The following TRABD2B variants were observed in gnomAD, a reference collection of about 807,000 sequenced individuals.
TRABD2B encodes the protein metalloprotease TIKI2.
TRABD2B carries 14 observed loss-of-function variants against 40.1 expected under a neutral mutation model. The ratio of observed to expected loss-of-function variants is 0.35; its 90% CI spans 0.23 to 0.55. The LOEUF (loss-of-function observed/expected upper bound fraction) is 0.55, where lower values mean the gene tolerates loss of function less well. Among genes scored for constraint, TRABD2B ranks in the 20% least tolerant of loss-of-function variants. The pLI, the probability that TRABD2B is intolerant of heterozygous loss-of-function variation, is 0.90. For missense variants in TRABD2B, 541 were observed against 648.6 expected (o/e 0.83, Z 1.80); for synonymous variants, 263 against 277.0 (o/e 0.95, Z 0.50).
chr1:47,787,601 C>G (rs867433188), intron 4 of TRABD2B, among the ~76,000 whole-genome samples: 4 of 152,154 alleles, frequency 2.6e-5, no homozygotes, highest in Admixed American at 6.6e-5. Context: ...ACTCTCTTTC[C>G]TTAGGTCTTT....
In TRABD2B at chr1:47,994,389, G is replaced by A. The variant is rs1256337938; in HGVS notation, c.311C>T (p.Pro104Leu). The stretch of plus-strand genomic sequence containing the variant: ...CACGTCCTGCAGGTTTTCCCCGTGC[G>A]GCAGCAGCTGGCAGCTGGCCAGGGC... ...ISALASCQLLPHGENLQDVLP... is the reference protein window; with the variant it reads ...ISALASCQLLLHGENLQDVLP... Residue 104 changes from proline to leucine, a missense_variant, in exon 2 of 7, where the codon CCG becomes CTG. By Grantham distance (98) the Pro-to-Leu change is moderately conservative. This residue lies in a region of TRABD2B where 369 missense variants were observed against 492.8 expected (regional missense o/e 0.75). Transcript: ENST00000606738. The surrounding 1 kb of genome is among the most constrained non-coding windows in gnomAD (Gnocchi z 6.7). 2.0e-6 allele frequency: 3 copies of A among 1,536,050 alleles called. No homozygotes were observed. The highest frequency in any genetic ancestry group is 1.4e-5 in the African/African-American group (1 of 73,056).
In TRABD2B at chr1:47,939,304, C is replaced by T. The variant is rs141682777; in HGVS notation, c.666+54730G>A. Reference sequence around the variant, plus strand: ...CAATGAAGAGAAGACATTCAATGAGCAGGCTGGTGCACACAGACCAGGATA... The same window carrying T: ...CAATGAAGAGAAGACATTCAATGAGTAGGCTGGTGCACACAGACCAGGATA... On this transcript the variant is annotated intron_variant, in intron 2 of 6. Coordinates refer to ENST00000606738, the MANE Select transcript of TRABD2B (RefSeq NM_001194986.2). Among the ~76,000 whole-genome samples the T allele has an allele frequency of 1.2e-3, 185 of 152,210 alleles. 1 individual carries two copies. The highest frequency in any genetic ancestry group is 4.2e-3 in the African/African-American group (176 of 41,532).
At chr1:47,943,453 T>A (rs2148366640) in intron 2 of TRABD2B, among the ~76,000 whole-genome samples, 1 of 152,146 alleles carries the variant, frequency 6.6e-6, no homozygotes, top group East Asian at 1.9e-4. Flanking sequence ...TGCAAGCTCA[T>A]TTCATTGGTT....
At chr1:47,958,409 A>G (rs1270447758) in intron 2 of TRABD2B, among the ~76,000 whole-genome samples, 3 of 147,562 alleles carry the variant, frequency 2.0e-5, no homozygotes, top group African/African-American at 7.5e-5. Context: ...AAAGACACAG[A>G]CTGGCAAACT....
chr1:47,990,963 C>T (rs1646002583), intron 2 of TRABD2B, among the ~76,000 whole-genome samples: 2 of 150,974 alleles, frequency 1.3e-5, no homozygotes. Context: ...CCACCAGCCT[C>T]ATAGCCGAAG....
At chr1:47,834,761 C>T (rs960947599) in intron 2 of TRABD2B, among the ~76,000 whole-genome samples, 6 of 152,128 alleles carry the variant, frequency 3.9e-5, no homozygotes, top group African/African-American at 1.4e-4. Flanking sequence ...TAAATAGTGA[C>T]AACAAACAGC....
In TRABD2B at chr1:47,858,069, G is replaced by C. The variant is rs117131134; in HGVS notation, c.667-56450C>G. Among the ~76,000 whole-genome samples the C allele has an allele frequency of 5.1e-4, 78 of 152,084 alleles. 1 individual carries two copies. The East Asian group carries it at 0.015, about 29-fold the overall frequency. The stretch of plus-strand genomic sequence containing the variant: ...ATTAGTTATTATTGTTAATCTCACT[G>C]TGCTGAATTTATAAATCAAACTTTA... On this transcript the variant is annotated intron_variant, in intron 2 of 6. Transcript: ENST00000606738.
chr1:47,898,842 A>G (rs1018433177), intron 2 of TRABD2B, among the ~76,000 whole-genome samples: 4 of 152,248 alleles, frequency 2.6e-5, no homozygotes, highest in Non-Finnish European at 4.4e-5. Flanking sequence ...GAATTCTGAA[A>G]CAAATGTGGC....
intron 4 of TRABD2B, among the ~76,000 whole-genome samples, chr1:47,790,643 C>T (rs1644658544): frequency 6.6e-6 from 1 of 152,218 alleles, no homozygotes; most frequent in Non-Finnish European, 1.5e-5. Flanking sequence ...GAAATGGCCA[C>T]ACCTGGGACT....
intron 2 of TRABD2B, among the ~76,000 whole-genome samples, chr1:47,993,735 G>A (rs908498254): frequency 6.6e-6 from 1 of 152,154 alleles, no homozygotes; most frequent in South Asian, 2.1e-4. Flanking sequence ...GATGCTCTGA[G>A]GGAAATTCTT....
Position 47,832,128 on chromosome 1 carries a change from C to T in TRABD2B, c.667-30509G>A, listed in dbSNP as rs1026841522. ...CGCGCGGATCACGAGGTCAGGAGAT[C>T]GAGACCATCTTGGCTAATGTGGTGA... On this transcript the variant is annotated intron_variant, in intron 2 of 6. Transcript: ENST00000606738. Among the ~76,000 whole-genome samples, 36 of 152,194 alleles carry T rather than the reference C, an allele frequency of 2.4e-4. 1 individual carries two copies. Among genetic ancestry groups the T allele is most frequent in the African/African-American group, 7.9e-4 (33 of 41,542 alleles).
At position 47,996,849 on chromosome 1, in the gene TRABD2B, G is replaced by A; in HGVS notation, c.-60C>T. Reference sequence around the variant, plus strand: ...TGGGCGGCGCCCCTCAGCGGGGCGGGGAGCCCCCAGTTGGGCACGGAGTTT... The same window carrying A: ...TGGGCGGCGCCCCTCAGCGGGGCGGAGAGCCCCCAGTTGGGCACGGAGTTT... On this transcript the variant is annotated 5_prime_UTR_variant, in exon 1 of 7. Coordinates refer to ENST00000606738, the MANE Select transcript of TRABD2B (RefSeq NM_001194986.2). This position sits in a 1 kb window ranked among gnomAD's most constrained non-coding sequence, Gnocchi z 4.6. 8.6e-7 allele frequency: 1 copy of A among 1,160,020 alleles called. No individual in the cohort carries two copies. Among genetic ancestry groups the A allele is most frequent in the Non-Finnish European group, 1.1e-6 (1 of 942,096 alleles). 71.9% of individuals were successfully genotyped at this position (1,160,020 alleles called of 1,614,324 possible).
chr1:47,912,933 G>A (rs551790763), intron 2 of TRABD2B, among the ~76,000 whole-genome samples: 10 of 152,292 alleles, frequency 6.6e-5, no homozygotes, highest in East Asian at 1.9e-4. Context: ...AGCAGCACAG[G>A]CCGCCCCTAG....
At chr1:47,809,933 C>A (rs1490415312) in intron 2 of TRABD2B, among the ~76,000 whole-genome samples, 3 of 152,174 alleles carry the variant, frequency 2.0e-5, no homozygotes, top group African/African-American at 7.2e-5. Flanking sequence ...ATTCATTGAA[C>A]AAATATTTAT....
At chr1:47,928,363 T>C (rs1281129024) in intron 2 of TRABD2B, among the ~76,000 whole-genome samples, 2 of 152,258 alleles carry the variant, frequency 1.3e-5, no homozygotes, top group South Asian at 2.1e-4. Context: ...ATGGGTATAA[T>C]AATAGCTATC....
At chr1:47,965,195 G>A (rs1203978713) in intron 2 of TRABD2B, among the ~76,000 whole-genome samples, 83 of 107,336 alleles carry the variant, frequency 7.7e-4, no homozygotes, top group Admixed American at 1.2e-3. Flanking sequence ...CAGATTTGGC[G>A]GGGGGCGGGG....
intron 2 of TRABD2B, among the ~76,000 whole-genome samples, chr1:47,879,664 T>C (rs905145250): frequency 1.8e-4 from 27 of 152,264 alleles, no homozygotes; most frequent in Admixed American, 1.1e-3. Context: ...TTTATATTAT[T>C]TGTACTTTTC....
Position 47,996,775 on chromosome 1 carries a change from C to T in TRABD2B, c.15G>A (p.Leu5=). ...GGAGGGCGGCGAGCAGCGGCCCCGC[C>T]AGGGCGGCGTGCATCCTGCCAGGGC... MHAA[L]AGPLLAALLA... Residue 5 remains leucine (L), a synonymous_variant, in exon 1 of 7, where the codon CTG becomes CTA. Transcript: ENST00000606738. This position sits in a 1 kb window ranked among gnomAD's most constrained non-coding sequence, Gnocchi z 4.6. The T allele has an allele frequency of 8.3e-7, 1 of 1,210,120 alleles. No individual in the cohort carries two copies. The highest frequency in any genetic ancestry group is 1.0e-6 in the Non-Finnish European group (1 of 973,636). The allele number at this position is 1,210,120 out of a possible 1,614,324, so 75.0% of individuals were successfully genotyped here.
At chr1:47,816,309 G>A (rs768746404) in intron 2 of TRABD2B, among the ~76,000 whole-genome samples, 9 of 152,120 alleles carry the variant, frequency 5.9e-5, no homozygotes, top group Non-Finnish European at 1.2e-4. Flanking sequence ...TGAGACCACG[G>A]CACTCTCCCA....
Sources: gnomAD v4.1 joint callset for allele counts (sites outside exome capture counted in the v4.1 genomes callset) on GRCh38, gnomAD v4.1.1 for gene constraint, gnomAD v4.1.1 regional missense constraint, Gnocchi (gnomAD v3.1) non-coding constraint, MANE v1.5 for transcripts, NCBI Gene and HGNC (gene_info 2026-07-23, HGNC 2026-07-21) for gene names.